Variants in BAZ1A observed in about 807,000 individuals in gnomAD.
BAZ1A encodes the protein bromodomain adjacent to zinc finger domain protein 1A.
Under a neutral mutation model 185.2 loss-of-function variants are expected in BAZ1A, and 50 were observed. That is an observed-to-expected ratio of 0.27 (90% CI 0.22 to 0.34). BAZ1A has a LOEUF of 0.34. BAZ1A is among the 10% of genes least tolerant of loss of function. The pLI is 1.00. For missense variants in BAZ1A, 1,356 were observed against 1,839.9 expected (o/e 0.74, Z 4.81); for synonymous variants, 571 against 615.6 (o/e 0.93, Z 1.07).
chr14:34,805,482 G>A (rs1053825883), intron 6 of BAZ1A, among the ~76,000 whole-genome samples: 11 of 152,136 alleles, frequency 7.2e-5, no homozygotes, highest in Non-Finnish European at 5.9e-5. Flanking sequence ...AGAGGAATTG[G>A]CCAACTGGGT....
In BAZ1A at chr14:34,772,121, A is replaced by AT. The variant is rs759338589; in HGVS notation, c.3153-463dup. Among the ~76,000 whole-genome samples the AT allele has an allele frequency of 5.3e-4, 81 of 151,692 alleles. No homozygotes were observed. In the East Asian group the frequency reaches 0.015, roughly 29 times the overall value. On this transcript the variant is annotated intron_variant, in intron 20 of 26. Coordinates refer to ENST00000360310, the MANE Select transcript of BAZ1A (RefSeq NM_013448.3). ...AGGTGCCCACCACCGTGCCCGGCTA[A>AT]TTTTTTGTATTTTTAGTAGAGACGG...
At chr14:34,827,603 C>T (rs187597039) in intron 3 of BAZ1A, among the ~76,000 whole-genome samples, 209 of 151,862 alleles carry the variant, frequency 1.4e-3, no homozygotes, top group Admixed American at 4.6e-3. Context: ...GGCGTGGTGG[C>T]GGGTGCCTGT....
rs74043545 is a variant in BAZ1A at position 34,763,506 on chromosome 14, G to T, written c.3776+1201C>A. Among the ~76,000 whole-genome samples, 416 of 152,016 alleles carry T rather than the reference G, an allele frequency of 2.7e-3. 1 individual carries two copies. The highest frequency in any genetic ancestry group is 9.6e-3 in the African/African-American group (398 of 41,452). On this transcript the variant is annotated intron_variant, in intron 23 of 26. Coordinates refer to ENST00000360310, the MANE Select transcript of BAZ1A (RefSeq NM_013448.3). ...CCCTGATATGACTGGCTATGGTCAG[G>T]CCTGCTGACAGAAAACCCCCAGTAG...
chr14:34,854,039 T>C (rs2138797252), intron 3 of BAZ1A, among the ~76,000 whole-genome samples: 1 of 152,288 alleles, frequency 6.6e-6, no homozygotes, highest in East Asian at 1.9e-4. Flanking sequence ...TCTAGTCAAT[T>C]TAGGCAAGTT....
chr14:34,755,007 C>A, intron 25 of BAZ1A, 93 bp from the exon 26 acceptor site: 1 of 775,112 alleles, frequency 1.3e-6, no homozygotes, highest in South Asian at 1.8e-5. Flanking sequence ...AAAAGCAACT[C>A]AATATGCAAT....
intron 14 of BAZ1A, among the ~76,000 whole-genome samples, chr14:34,784,676 CCTAG>C (rs1880313216): frequency 6.6e-6 from 1 of 151,698 alleles, no homozygotes; most frequent in Admixed American, 6.6e-5. Context: ...CGCCACCACG[CCTAG>C]CTAATTTTTT....
intron 21 of BAZ1A, among the ~76,000 whole-genome samples, chr14:34,766,029 T>G (rs1878815581): frequency 6.6e-6 from 1 of 152,200 alleles, no homozygotes; most frequent in African/African-American, 2.4e-5. Context: ...TAAAACCTCT[T>G]GGGCAGTAGC....
intron 25 of BAZ1A, 125 bp from the exon 26 acceptor site, chr14:34,755,039 ACT>A (rs1886179241): frequency 1.7e-6 from 1 of 585,244 alleles, no homozygotes; most frequent in African/African-American, 1.9e-5. Flanking sequence ...CTTGCTCATG[ACT>A]CTCTCCTCTC....
At chr14:34,763,339 G>A (rs968442145) in intron 23 of BAZ1A, among the ~76,000 whole-genome samples, 1 of 151,386 alleles carries the variant, frequency 6.6e-6, no homozygotes, top group African/African-American at 2.4e-5. Context: ...CTCCAACTGT[G>A]GTCCTTTTGC....
At chr14:34,819,407 C>T (rs1479516434) in intron 4 of BAZ1A, among the ~76,000 whole-genome samples, 1 of 152,126 alleles carries the variant, frequency 6.6e-6, no homozygotes, top group East Asian at 1.9e-4. Flanking sequence ...CTTTTACTGT[C>T]TCCATAGCTG....
At chr14:34,860,536 GC>G (rs2042752355) in intron 3 of BAZ1A, among the ~76,000 whole-genome samples, 3 of 93,166 alleles carry the variant, frequency 3.2e-5, no homozygotes, top group South Asian at 4.0e-4. Context: ...AAAAAAAAAA[GC>G]AAAAAAAAAA....
intron 23 of BAZ1A, among the ~76,000 whole-genome samples, chr14:34,764,466 A>G (rs1878683527): frequency 1.3e-5 from 2 of 151,192 alleles, no homozygotes; most frequent in African/African-American, 4.9e-5. Flanking sequence ...TAATTTTTCA[A>G]TTTTTAGTAG....
At chr14:34,773,535 GA>G in intron 20 of BAZ1A, 36 bp downstream of exon 20, 7 of 1,469,178 alleles carry the variant, frequency 4.8e-6, no homozygotes, top group Non-Finnish European at 6.4e-6. Context: ...AAATGGCAAG[GA>G]AAAGTAATGG....
chr14:34,831,036 T>G (rs888309783), intron 3 of BAZ1A, among the ~76,000 whole-genome samples: 1 of 152,172 alleles, frequency 6.6e-6, no homozygotes, highest in Non-Finnish European at 1.5e-5. Flanking sequence ...TCTAAGCACA[T>G]AAATACCTAC....
intron 2 of BAZ1A, 21 bp from the exon 3 acceptor site, chr14:34,862,343 A>T: frequency 6.3e-7 from 1 of 1,582,914 alleles, no homozygotes; most frequent in Non-Finnish European, 8.6e-7. Flanking sequence ...AACAAAAACA[A>T]AAACAAAAGC....
intron 3 of BAZ1A, among the ~76,000 whole-genome samples, chr14:34,842,632 C>T (rs535502929): frequency 1.3e-5 from 2 of 152,218 alleles, no homozygotes; most frequent in East Asian, 1.9e-4. Flanking sequence ...AAAAGTAAAT[C>T]GTACGTGTTC....
intron 4 of BAZ1A, among the ~76,000 whole-genome samples, chr14:34,823,227 C>T (rs978060598): frequency 1.3e-5 from 2 of 151,222 alleles, no homozygotes; most frequent in South Asian, 2.1e-4. Flanking sequence ...TGGTGGCACG[C>T]GCCTGTAGTC....
intron 12 of BAZ1A, among the ~76,000 whole-genome samples, chr14:34,792,298 T>C (rs535431260): frequency 1.3e-5 from 2 of 152,018 alleles, no homozygotes; most frequent in Non-Finnish European, 2.9e-5. Flanking sequence ...GGCAGGAGAA[T>C]TGCTCGAACC....
rs1594871769 is a variant in BAZ1A at position 34,819,146 on chromosome 14, A to G, written c.536+6867T>C. ...ACAGAGCAAGACTCTGTCTCAAAAA[A>G]AAAAAAAAAAAAAAAAAAAAGAATG... On this transcript the variant is annotated intron_variant, in intron 4 of 26. Coordinates refer to ENST00000360310, the MANE Select transcript of BAZ1A (RefSeq NM_013448.3). Among the ~76,000 whole-genome samples, 6 of 135,244 alleles carry G rather than the reference A, an allele frequency of 4.4e-5. No homozygotes were observed. The East Asian group carries it at 1.2e-3, about 26-fold the overall frequency. 88.7% of individuals were successfully genotyped at this position (135,244 alleles called of 152,430 possible). A position where few individuals can be genotyped will look rare whatever the true frequency, so the allele number is the denominator to read the frequency against.
Sources: gnomAD v4.1 joint callset for allele counts (sites outside exome capture counted in the v4.1 genomes callset) on GRCh38, gnomAD v4.1.1 for gene constraint, MANE v1.5 for transcripts, NCBI Gene and HGNC (gene_info 2026-07-23, HGNC 2026-07-21) for gene names.